Variants in SPAG17 observed in about 807,000 individuals in gnomAD.
SPAG17 encodes sperm associated antigen 17.
In SPAG17, 169 loss-of-function variants were observed where a neutral mutation model predicts 273.6. The ratio of observed to expected loss-of-function variants is 0.62; its 90% CI spans 0.55 to 0.70. The LOEUF is 0.70. SPAG17 is among the 30% of genes least tolerant of loss of function. The pLI, the probability that SPAG17 is intolerant of heterozygous loss-of-function variation, is 0.00. For synonymous variants in SPAG17, 825 were observed against 873.2 expected (o/e 0.94, Z 0.97); for missense variants, 2,557 against 2,627.8 (o/e 0.97, Z 0.59).
chr1:118,117,710 G>A (rs537016089), intron 3 of SPAG17, among the ~76,000 whole-genome samples: 30 of 152,296 alleles, frequency 2.0e-4, no homozygotes, highest in Non-Finnish European at 4.0e-4. Flanking sequence ...GCCCTGGGGC[G>A]GCCCACATGG....
intron 46 of SPAG17, among the ~76,000 whole-genome samples, chr1:117,969,733 T>C (rs1207417354): frequency 6.6e-6 from 1 of 152,202 alleles, no homozygotes; most frequent in African/African-American, 2.4e-5. Flanking sequence ...GGATTTACTT[T>C]TTGAAAAGGT....
At chr1:118,127,027 T>C (rs937742094) in intron 3 of SPAG17, among the ~76,000 whole-genome samples, 2 of 152,218 alleles carry the variant, frequency 1.3e-5, no homozygotes, top group Non-Finnish European at 2.9e-5. Context: ...TTCTCTATTC[T>C]GTTCCATTGG....
At chr1:118,165,092 T>C (rs370681260) in intron 1 of SPAG17, among the ~76,000 whole-genome samples, 30 of 152,296 alleles carry the variant, frequency 2.0e-4, no homozygotes, top group South Asian at 1.4e-3. Flanking sequence ...AAACTTAGTG[T>C]CTGTATTACA....
chr1:117,959,319 C>T (rs540958048), intron 48 of SPAG17: 8 of 1,612,092 alleles, frequency 5.0e-6, no homozygotes, highest in Non-Finnish European at 3.4e-6. Context: ...TATGGCTGGT[C>T]TTGATTATCT....
intron 6 of SPAG17, 98 bp downstream of exon 6, chr1:118,099,508 A>G: frequency 9.1e-7 from 1 of 1,097,114 alleles, no homozygotes; most frequent in Non-Finnish European, 1.4e-6. Flanking sequence ...ATAATGTACT[A>G]ATTGTAAGAC....
Position 117,994,468 on chromosome 1 carries a change from C to T in SPAG17, c.5116G>A (p.Glu1706Lys). The change falls in exon 35 of 49, where the codon GAA becomes AAA. Residue 1706 changes from glutamate to lysine, a missense_variant. Coordinates refer to ENST00000336338, the MANE Select transcript of SPAG17 (RefSeq NM_206996.4). ...AGATTAGGAGGGACAATTGTATCTT[C>T]CTTTTTTACTTGCCATGGTGATGCT... ...HEASPWQVKK[E>K]DTIVPPNLRS... The T allele has an allele frequency of 1.9e-6, 3 of 1,612,956 alleles. No individual in the cohort carries two copies. The highest frequency in any genetic ancestry group is 2.5e-6 in the Non-Finnish European group (3 of 1,179,274).
chr1:118,013,068 C>T (rs894278967), intron 29 of SPAG17, among the ~76,000 whole-genome samples: 8 of 152,182 alleles, frequency 5.3e-5, no homozygotes, highest in Non-Finnish European at 8.8e-5. Flanking sequence ...TCTCCCTCCT[C>T]CTTTCACATA....
chr1:118,061,560 A>G (rs1652295049), intron 18 of SPAG17, among the ~76,000 whole-genome samples: 1 of 152,218 alleles, frequency 6.6e-6, no homozygotes, highest in South Asian at 2.1e-4. Context: ...TTGTTTTTCA[A>G]CTATCATTAA....
intron 38 of SPAG17, among the ~76,000 whole-genome samples, chr1:117,989,737 G>A (rs571425028): frequency 6.6e-6 from 1 of 151,984 alleles, no homozygotes; most frequent in South Asian, 2.1e-4. Context: ...CACTACACCT[G>A]ACTAATTTTT....
chr1:118,126,034 T>C (rs1192880629), intron 3 of SPAG17, among the ~76,000 whole-genome samples: 1 of 114,640 alleles, frequency 8.7e-6, no homozygotes, highest in Non-Finnish European at 1.8e-5. Context: ...CCAGCCTCTG[T>C]TATTTTCTGT....
intron 20 of SPAG17, among the ~76,000 whole-genome samples, chr1:118,045,895 C>T (rs754553105): frequency 2.0e-5 from 3 of 152,128 alleles, no homozygotes; most frequent in Non-Finnish European, 4.4e-5. Flanking sequence ...AAATTTACTT[C>T]AGAAGTATTG....
intron 30 of SPAG17, among the ~76,000 whole-genome samples, chr1:118,011,836 T>C (rs1446025564): frequency 2.0e-5 from 3 of 152,088 alleles, no homozygotes; most frequent in Non-Finnish European, 4.4e-5. Flanking sequence ...AAAAAATTTC[T>C]AAGAAAGTAG....
chr1:117,981,668 T>C (rs1273103328), intron 42 of SPAG17, among the ~76,000 whole-genome samples: 1 of 152,218 alleles, frequency 6.6e-6, no homozygotes, highest in Non-Finnish European at 1.5e-5. Context: ...ATGGGCATTA[T>C]GACTAAATAG....
intron 28 of SPAG17, among the ~76,000 whole-genome samples, chr1:118,020,262 T>C (rs987406346): frequency 6.6e-6 from 1 of 151,932 alleles, no homozygotes. Flanking sequence ...CTACTAAAAA[T>C]ACAAAACACA....
chr1:118,019,736 C>CA (rs947405505), intron 28 of SPAG17, among the ~76,000 whole-genome samples: 1 of 152,118 alleles, frequency 6.6e-6, no homozygotes, highest in Non-Finnish European at 1.5e-5. Context: ...AGATTATCCT[C>CA]AAAGCAACAA....
intron 4 of SPAG17, among the ~76,000 whole-genome samples, chr1:118,112,305 G>C (rs1182654020): frequency 6.6e-6 from 1 of 151,912 alleles, no homozygotes; most frequent in Non-Finnish European, 1.5e-5. Flanking sequence ...AAATGGATCA[G>C]AATGGAAACC....
intron 3 of SPAG17, among the ~76,000 whole-genome samples, chr1:118,145,604 G>C (rs1274999660): frequency 6.6e-6 from 1 of 151,826 alleles, no homozygotes; most frequent in Admixed American, 6.6e-5. Context: ...ACATTTGATG[G>C]TCTCCCGGTT....
chr1:118,152,776 G>A (rs1460730556), intron 1 of SPAG17, among the ~76,000 whole-genome samples: 1 of 152,084 alleles, frequency 6.6e-6, no homozygotes, highest in Non-Finnish European at 1.5e-5. Context: ...TAAACATTCT[G>A]ACTTTTAAAA....
intron 28 of SPAG17, among the ~76,000 whole-genome samples, chr1:118,021,482 T>C (rs1260492903): frequency 6.6e-6 from 1 of 152,166 alleles, no homozygotes; most frequent in Non-Finnish European, 1.5e-5. Flanking sequence ...AAAATTATTC[T>C]GTATGATACA....
Sources: gnomAD v4.1 joint callset for allele counts (sites outside exome capture counted in the v4.1 genomes callset) on GRCh38, gnomAD v4.1.1 for gene constraint, MANE v1.5 for transcripts, NCBI Gene and HGNC (gene_info 2026-07-23, HGNC 2026-07-21) for gene names.